The following GRM1 variants were observed in gnomAD, a reference collection of about 807,000 sequenced individuals.
GRM1 encodes metabotropic glutamate receptor 1.
GRM1 carries 33 observed loss-of-function variants against 90.9 expected under a neutral mutation model. That is an observed-to-expected ratio of 0.36 (90% CI 0.28 to 0.49). The LOEUF (loss-of-function observed/expected upper bound fraction) is 0.49, where lower values mean the gene tolerates loss of function less well. Among genes scored for constraint, GRM1 ranks in the 20% least tolerant of loss-of-function variants. The pLI, the probability that GRM1 is intolerant of heterozygous loss-of-function variation, is 0.99. For synonymous variants in GRM1, 700 were observed against 613.2 expected (o/e 1.14, Z -2.09); for missense variants, 1,190 against 1,534.3 (o/e 0.78, Z 3.75).
intron 2 of GRM1, among the ~76,000 whole-genome samples, chr6:146,269,074 A>G (rs957615850): frequency 6.6e-6 from 1 of 152,224 alleles, no homozygotes; most frequent in African/African-American, 2.4e-5. Context: ...GTAAGTACAG[A>G]AAAACCAACA....
At chr6:146,315,783 G>A (rs1783944910) in intron 3 of GRM1, among the ~76,000 whole-genome samples, 1 of 152,144 alleles carries the variant, frequency 6.6e-6, no homozygotes, top group Non-Finnish European at 1.5e-5. Flanking sequence ...CTAAGGTTTT[G>A]GCCCTGGCTG....
chr6:146,150,327 T>C (rs571618716), intron 1 of GRM1, among the ~76,000 whole-genome samples: 12 of 152,320 alleles, frequency 7.9e-5, no homozygotes, highest in African/African-American at 2.9e-4. Flanking sequence ...ATGTTGAGTA[T>C]TACAATAGTT....
At chr6:146,186,479 T>C (rs986507577) in intron 2 of GRM1, among the ~76,000 whole-genome samples, 22 of 152,186 alleles carry the variant, frequency 1.4e-4, no homozygotes, top group African/African-American at 4.8e-4. Flanking sequence ...TTATAATCCC[T>C]TGCCAAATGC....
rs1025810155 is a variant in GRM1, at chr6:146,115,795, A to G, written c.701-43553A>G. Among the ~76,000 whole-genome samples the G allele has an allele frequency of 2.6e-5, 4 of 152,204 alleles. No homozygotes were observed. The South Asian group carries it at 8.3e-4, about 32-fold the overall frequency. The stretch of plus-strand genomic sequence containing the variant: ...TATCTGGTCACCATTATGTGCTTTC[A>G]TTTCAGTTCTAGTTGGTTTTTGAGA... On this transcript the variant is annotated intron_variant, in intron 1 of 7. Transcript: ENST00000282753.
chr6:146,333,610 G>A (rs781561076), intron 3 of GRM1, among the ~76,000 whole-genome samples: 2 of 152,112 alleles, frequency 1.3e-5, no homozygotes, highest in Non-Finnish European at 2.9e-5. Context: ...GAATGAGATG[G>A]TGAAAACCAG....
chr6:146,289,685 G>A (rs2114880248), intron 2 of GRM1, among the ~76,000 whole-genome samples: 1 of 152,150 alleles, frequency 6.6e-6, no homozygotes. Context: ...TCCTGTACAG[G>A]GGTACCATTT....
intron 1 of GRM1, among the ~76,000 whole-genome samples, chr6:146,107,822 G>C (rs1217520106): frequency 6.6e-6 from 1 of 151,856 alleles, no homozygotes; most frequent in African/African-American, 2.4e-5. Context: ...CTAATATAAG[G>C]GAATGCTTTT....
chr6:146,428,090 G>A (rs1307654455), intron 7 of GRM1, among the ~76,000 whole-genome samples: 1 of 152,208 alleles, frequency 6.6e-6, no homozygotes, highest in African/African-American at 2.4e-5. Context: ...TGGCCGTTAA[G>A]AACTTTCAGA....
chr6:146,326,699 A>G (rs1475613524), intron 3 of GRM1, among the ~76,000 whole-genome samples: 3 of 152,370 alleles, frequency 2.0e-5, no homozygotes, highest in Admixed American at 2.0e-4. Flanking sequence ...TGCATGGCAT[A>G]GCCCACATTA....
intron 1 of GRM1, among the ~76,000 whole-genome samples, chr6:146,045,818 A>G (rs537241861): frequency 6.7e-6 from 1 of 149,046 alleles, no homozygotes; most frequent in Non-Finnish European, 1.5e-5. Context: ...TCTACTTATT[A>G]TCACTCTTCC....
At chr6:146,250,200 A>G (rs1023700003) in intron 2 of GRM1, among the ~76,000 whole-genome samples, 3 of 152,150 alleles carry the variant, frequency 2.0e-5, no homozygotes, top group Admixed American at 6.5e-5. Context: ...TTAAGACTTT[A>G]GGGGACTGTT....
intron 7 of GRM1, among the ~76,000 whole-genome samples, chr6:146,425,835 C>T (rs1778184082): frequency 6.6e-6 from 1 of 152,210 alleles, no homozygotes; most frequent in Admixed American, 6.5e-5. Context: ...ATCCTTATTC[C>T]AACAAATGAT....
chr6:146,134,430 C>A lies in GRM1; in HGVS notation c.701-24918C>A, dbSNP rs552821076. Among the ~76,000 whole-genome samples, 24 of 152,260 alleles carry A rather than the reference C, an allele frequency of 1.6e-4. No individual in the cohort carries two copies. In the East Asian group the frequency reaches 4.6e-3, roughly 29 times the overall value. The stretch of plus-strand genomic sequence containing the variant: ...CTCATGCTGCTAGTAAAGACATACA[C>A]AAGACTAGGTAATTTATAAAGGAAA... On this transcript the variant is annotated intron_variant, in intron 1 of 7. Transcript: ENST00000282753.
At chr6:146,322,043 T>C (rs1382127225) in intron 3 of GRM1, among the ~76,000 whole-genome samples, 3 of 152,192 alleles carry the variant, frequency 2.0e-5, no homozygotes, top group South Asian at 2.1e-4. Flanking sequence ...TTTATCTACC[T>C]TTGGTCTTTG....
intron 7 of GRM1, among the ~76,000 whole-genome samples, chr6:146,402,468 CACAA>C (rs1777192777): frequency 6.6e-6 from 1 of 152,114 alleles, no homozygotes. Context: ...TTACAAAAAG[CACAA>C]ACAGTCTAAT....
chr6:146,394,508 T>C (rs770291767), intron 6 of GRM1, among the ~76,000 whole-genome samples: 1 of 152,158 alleles, frequency 6.6e-6, no homozygotes, highest in Non-Finnish European at 1.5e-5. Flanking sequence ...GGGTCAGCAG[T>C]TAACTTCCAT....
chr6:146,126,027 A>G (rs1401910568), intron 1 of GRM1, among the ~76,000 whole-genome samples: 1 of 152,054 alleles, frequency 6.6e-6, no homozygotes, highest in Non-Finnish European at 1.5e-5. Flanking sequence ...ATTTCTAGTT[A>G]CAGCCAGAAA....
intron 5 of GRM1, among the ~76,000 whole-genome samples, chr6:146,362,528 A>G (rs1775522062): frequency 6.6e-6 from 1 of 151,552 alleles, no homozygotes; most frequent in Admixed American, 6.6e-5. Flanking sequence ...AAATACAAAA[A>G]GTTAGCCAGG....
intron 2 of GRM1, among the ~76,000 whole-genome samples, chr6:146,268,006 T>A (rs1425101660): frequency 6.6e-6 from 1 of 152,140 alleles, no homozygotes; most frequent in Non-Finnish European, 1.5e-5. Flanking sequence ...CTTTCAGGAA[T>A]TGGCACACTG....
Sources: gnomAD v4.1 joint callset for allele counts (sites outside exome capture counted in the v4.1 genomes callset) on GRCh38, gnomAD v4.1.1 for gene constraint, MANE v1.5 for transcripts, NCBI Gene and HGNC (gene_info 2026-07-23, HGNC 2026-07-21) for gene names.